Variants in SNTG2 observed in about 807,000 individuals in gnomAD.
SNTG2 encodes syntrophin gamma 2, also known as gamma-2-syntrophin.
Under a neutral mutation model 70.9 loss-of-function variants are expected in SNTG2, and 74 were observed. The observed-to-expected ratio is 1.04, with a 90% confidence interval of 0.86 to 1.27. The LOEUF (loss-of-function observed/expected upper bound fraction) is 1.27. Among genes scored for constraint, SNTG2 ranks in the 50% most tolerant of loss-of-function variants. The pLI, the probability that SNTG2 is intolerant of heterozygous loss-of-function variation, is 0.00. For missense variants in SNTG2, 717 were observed against 690.7 expected (o/e 1.04, Z -0.43); for synonymous variants, 278 against 273.8 (o/e 1.02, Z -0.15).
intron 4 of SNTG2, chr2:1,103,426 C>T: frequency 3.7e-6 from 1 of 267,416 alleles, no homozygotes; most frequent in Non-Finnish European, 7.3e-6. Context: ...CTCTGTCGCC[C>T]AGGCTGGAGT....
intron 8 of SNTG2, among the ~76,000 whole-genome samples, chr2:1,192,276 C>T (rs566666264): frequency 1.3e-5 from 2 of 152,248 alleles, no homozygotes; most frequent in Non-Finnish European, 1.5e-5. Flanking sequence ...GGTCTGAGTG[C>T]AGGAAGCAGT....
At chr2:1,328,681 A>C (rs1408994647) in intron 16 of SNTG2, among the ~76,000 whole-genome samples, 2 of 152,172 alleles carry the variant, frequency 1.3e-5, no homozygotes, top group Non-Finnish European at 2.9e-5. Context: ...AATTCTATCA[A>C]CTAGTGGAGA....
intron 6 of SNTG2, among the ~76,000 whole-genome samples, chr2:1,156,529 A>T (rs1669907777): frequency 6.6e-6 from 1 of 152,160 alleles, no homozygotes; most frequent in African/African-American, 2.4e-5. Flanking sequence ...CAGAGGATGA[A>T]CCGTCATGAA....
chr2:961,287 A>G (rs1660341336), intron 1 of SNTG2, among the ~76,000 whole-genome samples: 1 of 151,934 alleles, frequency 6.6e-6, no homozygotes, highest in Non-Finnish European at 1.5e-5. Flanking sequence ...GCTCACTGCA[A>G]CCTCTGCCTC....
chr2:991,104 CT>C (rs1189171964), intron 1 of SNTG2, among the ~76,000 whole-genome samples: 1 of 152,114 alleles, frequency 6.6e-6, no homozygotes, highest in Non-Finnish European at 1.5e-5. Context: ...ACAGAGAAGA[CT>C]TTCTCTTAAT....
At chr2:1,251,436 CCACA>C (rs909504468) in intron 12 of SNTG2, among the ~76,000 whole-genome samples, 8 of 125,420 alleles carry the variant, frequency 6.4e-5, no homozygotes, top group Non-Finnish European at 1.1e-4. Flanking sequence ...ACACCACACA[CCACA>C]CACACCACAC....
At chr2:1,196,378 C>T (rs956407493) in intron 8 of SNTG2, among the ~76,000 whole-genome samples, 1 of 152,016 alleles carries the variant, frequency 6.6e-6, no homozygotes, top group Non-Finnish European at 1.5e-5. Flanking sequence ...ACATATGGGA[C>T]ACATTAAAAT....
intron 6 of SNTG2, among the ~76,000 whole-genome samples, chr2:1,143,958 GAAA>G (rs1668933984): frequency 3.3e-5 from 2 of 61,234 alleles, no homozygotes; most frequent in East Asian, 4.7e-3. Flanking sequence ...AAAAAAAACA[GAAA>G]TTTATTGCAA....
chr2:1,222,498 G>A (rs587638531), intron 9 of SNTG2, among the ~76,000 whole-genome samples: 37 of 140,854 alleles, frequency 2.6e-4, no homozygotes, highest in Non-Finnish European at 4.3e-4. Context: ...GTGGTGCAGT[G>A]ATGGAGGGCG....
At chr2:1,063,207 C>T (rs1662936061) in intron 1 of SNTG2, among the ~76,000 whole-genome samples, 1 of 152,120 alleles carries the variant, frequency 6.6e-6, no homozygotes, top group African/African-American at 2.4e-5. Context: ...AAAGTATAAA[C>T]CCTTCCTAGA....
chr2:1,144,254 C>T (rs1347146908), intron 6 of SNTG2, among the ~76,000 whole-genome samples: 6 of 152,062 alleles, frequency 3.9e-5, no homozygotes, highest in East Asian at 1.9e-4. Flanking sequence ...GAGTTGACAA[C>T]GGACAACCCA....
intron 4 of SNTG2, among the ~76,000 whole-genome samples, chr2:1,128,350 T>G (rs1433652591): frequency 6.6e-6 from 1 of 152,124 alleles, no homozygotes; most frequent in Non-Finnish European, 1.5e-5. Flanking sequence ...ATGAGCAAAA[T>G]AATTATATAC....
rs555197323 is a variant in SNTG2, at chr2:1,308,022, G to C, written c.1285-472G>C. 2.5e-3 allele frequency among the ~76,000 whole-genome samples: 381 copies of C among 152,308 alleles called. 1 individual carries two copies. Among genetic ancestry groups the C allele is most frequent in the African/African-American group, 8.5e-3 (352 of 41,558 alleles). Reference sequence around the variant, plus strand: ...TGCAGTACTGCGCTGCTGCTTGGTGGCGGTGTAAATTGTACTGCTCTTCAG... The same window carrying C: ...TGCAGTACTGCGCTGCTGCTTGGTGCCGGTGTAAATTGTACTGCTCTTCAG... On this transcript the variant is annotated intron_variant, in intron 14 of 16. Coordinates refer to ENST00000308624, the MANE Select transcript of SNTG2 (RefSeq NM_018968.4).
intron 1 of SNTG2, among the ~76,000 whole-genome samples, chr2:1,064,111 C>T (rs899318853): frequency 7.9e-5 from 12 of 151,440 alleles, no homozygotes; most frequent in African/African-American, 1.7e-4. Flanking sequence ...ACAACAGGGG[C>T]GAGAAGAAAA....
chr2:983,545 C>G (rs527332235), intron 1 of SNTG2, among the ~76,000 whole-genome samples: 1 of 152,206 alleles, frequency 6.6e-6, no homozygotes, highest in Non-Finnish European at 1.5e-5. Context: ...TCTAACCCTC[C>G]GAAATAGTCA....
chr2:1,264,367 G>GAGAGAATT (rs1160394689), intron 13 of SNTG2, among the ~76,000 whole-genome samples: 1 of 152,214 alleles, frequency 6.6e-6, no homozygotes, highest in Non-Finnish European at 1.5e-5. Flanking sequence ...TCTCTCTCCA[G>GAGAGAATT]TAAATTGCAG....
intron 1 of SNTG2, among the ~76,000 whole-genome samples, chr2:1,028,860 G>A (rs1660651391): frequency 2.0e-5 from 3 of 151,794 alleles, no homozygotes; most frequent in Non-Finnish European, 4.4e-5. Flanking sequence ...TATATTACAC[G>A]CTTTTACAGT....
chr2:1,253,999 A>T (rs1049780758), intron 12 of SNTG2, among the ~76,000 whole-genome samples: 2 of 152,086 alleles, frequency 1.3e-5, no homozygotes, highest in East Asian at 1.9e-4. Context: ...TCTCATGAAA[A>T]CTCTATTAGG....
At chr2:990,186 G>A (rs369468955) in intron 1 of SNTG2, among the ~76,000 whole-genome samples, 4 of 152,220 alleles carry the variant, frequency 2.6e-5, no homozygotes, top group South Asian at 4.1e-4. Context: ...CCATCAGAGG[G>A]GCTGGACGTC....
Sources: allele counts gnomAD v4.1 joint callset (sites outside exome capture counted in the v4.1 genomes callset), GRCh38; gene constraint gnomAD v4.1.1; transcripts MANE v1.5; gene names NCBI Gene and HGNC (gene_info 2026-07-23, HGNC 2026-07-21).